Variants in GABRG3 observed in about 807,000 individuals in gnomAD.
The protein encoded by GABRG3 is gamma-aminobutyric acid type A receptor subunit gamma3, also known as gamma-aminobutyric acid receptor subunit gamma-3.
In GABRG3, 25 loss-of-function variants were observed where a neutral mutation model predicts 48.8. The ratio of observed to expected loss-of-function variants is 0.51; its 90% confidence interval spans 0.37 to 0.72. The LOEUF (loss-of-function observed/expected upper bound fraction) is 0.72. Among genes scored for constraint, GABRG3 ranks in the 30% least tolerant of loss-of-function variants. GABRG3 has a pLI of 0.00. For missense variants in GABRG3, 394 were observed against 577.9 expected, an observed-to-expected ratio of 0.68 and a Z score of 3.26; for synonymous variants, 227 against 217.6, an observed-to-expected ratio of 1.04 and a Z score of -0.38.
In GABRG3 at chr15:27,214,830, CCTT is replaced by C. The variant is rs996460559; in HGVS notation, c.271-111975_271-111973del. Among the ~76,000 whole-genome samples, 28 of 152,184 alleles carry C rather than the reference CCTT, an allele frequency of 1.8e-4. No individual in the cohort carries two copies. The East Asian group carries it at 4.3e-3, about 23-fold the overall frequency. The stretch of plus-strand genomic sequence containing the variant: ...CCTGCTGGTGAGGTGAGACTCATCT[CCTT>C]CTTTGGAGAGCTTCAGGGAGAGTAA... On this transcript the variant is annotated intron_variant, in intron 3 of 9. Transcript: ENST00000615808.
intron 6 of GABRG3, among the ~76,000 whole-genome samples, chr15:27,489,327 T>G (rs1209053233): frequency 6.6e-6 from 1 of 152,208 alleles, no homozygotes; most frequent in Non-Finnish European, 1.5e-5. Context: ...TGAACTGTGC[T>G]GCAATAAACA....
chr15:27,315,833 T>C (rs1361308357), intron 3 of GABRG3, among the ~76,000 whole-genome samples: 1 of 152,222 alleles, frequency 6.6e-6, no homozygotes. Context: ...TACAAGTATA[T>C]ATTCATTTAC....
intron 5 of GABRG3, among the ~76,000 whole-genome samples, chr15:27,453,158 T>C (rs1595763707): frequency 6.6e-6 from 1 of 152,304 alleles, no homozygotes; most frequent in Non-Finnish European, 1.5e-5. Flanking sequence ...GAGAAAATGT[T>C]GGTCAAACTG....
intron 3 of GABRG3, among the ~76,000 whole-genome samples, chr15:27,100,836 A>G (rs1897343330): frequency 6.6e-6 from 1 of 152,236 alleles, no homozygotes; most frequent in Non-Finnish European, 1.5e-5. Flanking sequence ...GCTTGATACT[A>G]AGCATCTACA....
At chr15:27,329,285 CTG>C (rs1893725134) in intron 5 of GABRG3, among the ~76,000 whole-genome samples, 1 of 151,994 alleles carries the variant, frequency 6.6e-6, no homozygotes, top group Non-Finnish European at 1.5e-5. Flanking sequence ...TTTATTGAAA[CTG>C]AGTTTTGCTC....
chr15:27,358,002 A>G (rs75760864), intron 5 of GABRG3, among the ~76,000 whole-genome samples: 3 of 152,188 alleles, frequency 2.0e-5, no homozygotes, highest in Admixed American at 6.5e-5. Context: ...TGATCATCCA[A>G]ATGTTGACAC....
At chr15:27,532,572 G>A (rs369595977) in intron 9 of GABRG3, 28 bp from the exon 10 acceptor site, 39 of 1,607,580 alleles carry the variant, frequency 2.4e-5, no homozygotes, top group Non-Finnish European at 3.2e-5. Context: ...TTTTACAATG[G>A]TTGTTGTGTC....
chr15:27,499,473 G>A (rs528673707), intron 6 of GABRG3, among the ~76,000 whole-genome samples: 4 of 152,332 alleles, frequency 2.6e-5, no homozygotes, highest in East Asian at 3.9e-4. Flanking sequence ...CCCAGTCTGA[G>A]GATTAGGCTT....
chr15:27,254,066 GA>G (rs1255553002), intron 3 of GABRG3, among the ~76,000 whole-genome samples: 1 of 152,194 alleles, frequency 6.6e-6, no homozygotes, highest in Non-Finnish European at 1.5e-5. Flanking sequence ...TTGCTTTGAA[GA>G]GTCTCTGAGT....
intron 2 of GABRG3, among the ~76,000 whole-genome samples, chr15:27,021,197 A>G (rs1007709567): frequency 2.0e-5 from 3 of 152,224 alleles, no homozygotes; most frequent in Non-Finnish European, 4.4e-5. Flanking sequence ...AAAAAAAATT[A>G]AAAGAGAAAA....
At chr15:27,245,512 A>G (rs945638899) in intron 3 of GABRG3, among the ~76,000 whole-genome samples, 1 of 152,176 alleles carries the variant, frequency 6.6e-6, no homozygotes, top group African/African-American at 2.4e-5. Context: ...ATCAGCCAAA[A>G]TATGTGTTGG....
chr15:27,155,592 T>C (rs1249363619), intron 3 of GABRG3, among the ~76,000 whole-genome samples: 1 of 152,128 alleles, frequency 6.6e-6, no homozygotes, highest in African/African-American at 2.4e-5. Flanking sequence ...GGAAAGGGAG[T>C]TGGAGTTCAT....
chr15:27,183,465 T>G lies in GABRG3; in HGVS notation c.271-143344T>G, dbSNP rs1403078319. Among the ~76,000 whole-genome samples, 4 of 152,172 alleles carry G rather than the reference T, an allele frequency of 2.6e-5. No homozygotes were observed. In the East Asian group the frequency reaches 7.7e-4, roughly 29 times the overall value. On this transcript the variant is annotated intron_variant, in intron 3 of 9. Coordinates refer to ENST00000615808, the MANE Select transcript of GABRG3 (RefSeq NM_033223.5). The stretch of plus-strand genomic sequence containing the variant: ...GGCAGCGTGGATCCAGACTCCATGA[T>G]TTCATCCACCACACTGCACATTTAA...
At chr15:27,431,167 T>A (rs1019407266) in intron 5 of GABRG3, among the ~76,000 whole-genome samples, 1 of 152,062 alleles carries the variant, frequency 6.6e-6, no homozygotes, top group Non-Finnish European at 1.5e-5. Flanking sequence ...TTGGGATGTT[T>A]GAGTCCTCCA....
At chr15:27,307,795 TA>T (rs1566772017) in intron 3 of GABRG3, among the ~76,000 whole-genome samples, 5 of 130,180 alleles carry the variant, frequency 3.8e-5, no homozygotes, top group African/African-American at 1.4e-4. Flanking sequence ...AACATATATA[TA>T]AAATAAACAT....
chr15:27,159,633 C>A (rs1898526865), intron 3 of GABRG3, among the ~76,000 whole-genome samples: 1 of 152,118 alleles, frequency 6.6e-6, no homozygotes, highest in African/African-American at 2.4e-5. Context: ...TTGATGCCTC[C>A]TGGAAACGCT....
At chr15:27,322,686 C>T (rs987033234) in intron 3 of GABRG3, among the ~76,000 whole-genome samples, 8 of 152,128 alleles carry the variant, frequency 5.3e-5, no homozygotes, top group African/African-American at 9.7e-5. Flanking sequence ...TAAATGATGT[C>T]GCACAGTTTA....
chr15:27,142,370 G>A (rs1595548235), intron 3 of GABRG3, among the ~76,000 whole-genome samples: 1 of 152,282 alleles, frequency 6.6e-6, no homozygotes, highest in East Asian at 1.9e-4. Flanking sequence ...AAGGCAAGGA[G>A]GATCGAGTCC....
chr15:27,101,502 T>C (rs1182792356), intron 3 of GABRG3, among the ~76,000 whole-genome samples: 1 of 152,096 alleles, frequency 6.6e-6, no homozygotes, highest in African/African-American at 2.4e-5. Flanking sequence ...AAAAGAAGAA[T>C]GAAATTGGAG....
Sources: allele counts gnomAD v4.1 joint callset (sites outside exome capture counted in the v4.1 genomes callset), GRCh38; gene constraint gnomAD v4.1.1; transcripts MANE v1.5; gene names NCBI Gene and HGNC (gene_info 2026-07-23, HGNC 2026-07-21).